Variants in DOCK4 observed in about 807,000 individuals in gnomAD.
DOCK4 encodes the protein dedicator of cytokinesis protein 4.
Under a neutral mutation model 268.1 loss-of-function variants are expected in DOCK4, and 97 were observed. The ratio of observed to expected loss-of-function variants is 0.36; its 90% CI spans 0.31 to 0.43. The LOEUF (loss-of-function observed/expected upper bound fraction) is 0.43, where lower values mean the gene tolerates loss of function less well. Ranked by LOEUF, DOCK4 falls within the 20% of genes least tolerant of loss-of-function variation. The probability of loss-of-function intolerance (pLI) is 1.00; values close to 1 mark genes in which losing one functional copy is unlikely to be tolerated. For missense variants in DOCK4, 2,145 were observed against 2,455.7 expected (o/e 0.87, Z 2.67); for synonymous variants, 954 against 887.2 (o/e 1.08, Z -1.34).
chr7:112,000,313 T>G (rs1040152005), intron 3 of DOCK4, among the ~76,000 whole-genome samples, 181 bp downstream of exon 3: 1 of 152,168 alleles, frequency 6.6e-6, no homozygotes, highest in Non-Finnish European at 1.5e-5. Flanking sequence ...GATTATCATT[T>G]GAGTAGCATA....
chr7:112,092,525 T>C (rs1216178518), intron 1 of DOCK4, among the ~76,000 whole-genome samples: 1 of 152,190 alleles, frequency 6.6e-6, no homozygotes, highest in African/African-American at 2.4e-5. Flanking sequence ...ACAGGCTCTC[T>C]ACCTGAACGG....
At chr7:111,930,304 AC>A (rs766401889) in intron 12 of DOCK4, among the ~76,000 whole-genome samples, 139 of 152,304 alleles carry the variant, frequency 9.1e-4, no homozygotes, top group Non-Finnish European at 1.7e-3. Context: ...TGGTTAATGT[AC>A]CTTTGCAACA....
intron 1 of DOCK4, among the ~76,000 whole-genome samples, chr7:112,157,202 T>C (rs1482944982): frequency 6.6e-6 from 1 of 152,140 alleles, no homozygotes; most frequent in African/African-American, 2.4e-5. Context: ...CACAGTATTG[T>C]GGGAGGACAA....
At chr7:111,806,981 A>G (rs1038285909) in intron 30 of DOCK4, among the ~76,000 whole-genome samples, 1 of 152,198 alleles carries the variant, frequency 6.6e-6, no homozygotes, top group Non-Finnish European at 1.5e-5. Context: ...ATACAGTGAC[A>G]TGTTTAGGGA....
At chr7:112,070,152 A>G (rs1807456044) in intron 1 of DOCK4, among the ~76,000 whole-genome samples, 1 of 152,222 alleles carries the variant, frequency 6.6e-6, no homozygotes, top group Non-Finnish European at 1.5e-5. Flanking sequence ...GAAAGCAGCT[A>G]TAGTAGCAGG....
intron 1 of DOCK4, among the ~76,000 whole-genome samples, chr7:112,059,833 A>G (rs926077253): frequency 6.6e-6 from 1 of 152,230 alleles, no homozygotes; most frequent in Non-Finnish European, 1.5e-5. Flanking sequence ...CAGATAGCAT[A>G]TCTAATTGTA....
At chr7:111,863,641 A>C (rs1355302671) in intron 22 of DOCK4, 77 bp from the exon 23 acceptor site, 17 of 1,403,888 alleles carry the variant, frequency 1.2e-5, no homozygotes, top group Admixed American at 2.7e-5. Context: ...AGTGAGTTTA[A>C]GGACCGTGGC....
At chr7:112,178,405 G>A (rs1016677481) in intron 1 of DOCK4, among the ~76,000 whole-genome samples, 1 of 152,086 alleles carries the variant, frequency 6.6e-6, no homozygotes, top group African/African-American at 2.4e-5. Flanking sequence ...GCTAAAAGAG[G>A]GTGGGGAGCT....
chr7:111,806,822 G>A (rs1800710765), intron 30 of DOCK4, among the ~76,000 whole-genome samples: 1 of 152,160 alleles, frequency 6.6e-6, no homozygotes, highest in Non-Finnish European at 1.5e-5. Flanking sequence ...ACAAAATACT[G>A]CATTATAGGT....
intron 1 of DOCK4, among the ~76,000 whole-genome samples, chr7:112,106,219 G>A (rs1811139060): frequency 6.6e-6 from 1 of 152,178 alleles, no homozygotes; most frequent in Non-Finnish European, 1.5e-5. Flanking sequence ...TCTTAGGCAG[G>A]TTTCTAATAA....
At chr7:111,739,091 GA>G in intron 49 of DOCK4, 42 bp downstream of exon 49, 2 of 1,549,980 alleles carry the variant, frequency 1.3e-6, no homozygotes, top group Non-Finnish European at 1.8e-6. Flanking sequence ...AGCAATTCCA[GA>G]ATTGTCCTTG....
intron 1 of DOCK4, among the ~76,000 whole-genome samples, chr7:112,045,912 C>A (rs1804782931): frequency 6.6e-6 from 1 of 152,130 alleles, no homozygotes; most frequent in Non-Finnish European, 1.5e-5. Flanking sequence ...TAAATCCACG[C>A]CTCATAACGT....
At chr7:112,082,150 G>C (rs1335327989) in intron 1 of DOCK4, among the ~76,000 whole-genome samples, 1 of 152,156 alleles carries the variant, frequency 6.6e-6, no homozygotes, top group African/African-American at 2.4e-5. Context: ...GATGCAGAGG[G>C]AACAGTAGTA....
In DOCK4 at chr7:111,726,709, G is replaced by C. The variant is rs533959424; in HGVS notation, c.*1565C>G. 2 of 152,446 alleles carry C rather than the reference G, an allele frequency of 1.3e-5. No homozygotes were observed. Among genetic ancestry groups the C allele is most frequent in the Non-Finnish European group, 2.9e-5 (2 of 68,010 alleles). The allele number at this position is 152,446 out of a possible 1,614,324, so 9.4% of individuals were successfully genotyped here. A position where few individuals can be genotyped will look rare whatever the true frequency, so the allele number is the denominator to read the frequency against. ...ATGTACAAATATTCTTTTTCCATAC[G>C]TAAAGTATTTGGCATAATTATAACA... On this transcript the variant is annotated 3_prime_UTR_variant, in exon 53 of 53. Transcript: ENST00000428084.
At chr7:112,064,309 C>A (rs1806723360) in intron 1 of DOCK4, among the ~76,000 whole-genome samples, 2 of 152,224 alleles carry the variant, frequency 1.3e-5, no homozygotes, top group South Asian at 2.1e-4. Flanking sequence ...ATAAACCAAC[C>A]AATATCCCAT....
intron 7 of DOCK4, among the ~76,000 whole-genome samples, chr7:111,983,862 G>GCACACACACACACACA (rs1554402961): frequency 3.6e-4 from 50 of 138,646 alleles, no homozygotes; most frequent in African/African-American, 1.1e-3. Context: ...GCGCGCGCGC[G>GCACACACACACACACA]CACACACACA....
rs572866167 is a variant in DOCK4, at chr7:111,751,589, C to T, written c.4416+3926G>A. ...CCTCCTGAGAAGCTGGGATTACAGG[C>T]GTGATCCACCATGCCCAGCTACTTT... On this transcript the variant is annotated intron_variant, in intron 42 of 52. Transcript: ENST00000428084. Among the ~76,000 whole-genome samples, 11 of 152,120 alleles carry T rather than the reference C, an allele frequency of 7.2e-5. No individual in the cohort carries two copies. In the South Asian group the frequency reaches 1.2e-3, roughly 17 times the overall value.
intron 37 of DOCK4, among the ~76,000 whole-genome samples, chr7:111,767,616 G>A (rs1797847506): frequency 6.6e-6 from 1 of 152,132 alleles, no homozygotes; most frequent in Non-Finnish European, 1.5e-5. Context: ...TTGAATGCTG[G>A]AAACGATAAT....
At chr7:112,009,828 C>T (rs1421123785) in intron 1 of DOCK4, among the ~76,000 whole-genome samples, 1 of 152,002 alleles carries the variant, frequency 6.6e-6, no homozygotes, top group Non-Finnish European at 1.5e-5. Flanking sequence ...AAATTGTTTT[C>T]ATTTCTTTGA....
Sources: allele counts gnomAD v4.1 joint callset (sites outside exome capture counted in the v4.1 genomes callset), GRCh38; gene constraint gnomAD v4.1.1; transcripts MANE v1.5; gene names NCBI Gene and HGNC (gene_info 2026-07-23, HGNC 2026-07-21).